MAST1: variants seen among roughly 807,000 people sequenced by gnomAD.
MAST1 encodes the protein microtubule associated serine/threonine kinase 1.
A neutral mutation model predicts 124.6 loss-of-function variants in MAST1; 40 were observed. The observed-to-expected ratio is 0.32, with a 90% CI of 0.25 to 0.42. The LOEUF (loss-of-function observed/expected upper bound fraction) is 0.42. Ranked by LOEUF, MAST1 falls within the 10% of genes least tolerant of loss-of-function variation. MAST1 has a pLI of 1.00. For synonymous variants in MAST1, 938 were observed against 939.4 expected (o/e 1.00, Z 0.03); for missense variants, 1,558 against 2,181.9 (o/e 0.71, Z 5.70).
chr19:12,865,345 C>T lies in MAST1; in HGVS notation c.1668C>T (p.Pro556=), dbSNP rs768196002. 5.0e-6 allele frequency: 8 copies of T among 1,605,044 alleles called. No homozygotes were observed. Among genetic ancestry groups the T allele is most frequent in the East Asian group, 2.2e-5 (1 of 44,882 alleles). ...QVCGTPEYIA[P]EVILRQGYGK... is the part of the protein sequence containing the mutation. ...GTGGGACCCCAGAGTACATCGCGCC[C>T]GAGGTCATCCTGCGTCAAGGCTACG... The change falls in exon 15 of 26, where the codon CCC becomes CCT. Residue 556 remains proline (P), a synonymous_variant. Coordinates refer to ENST00000251472, the MANE Select transcript of MAST1 (RefSeq NM_014975.3). The surrounding 1 kb of genome is among the most constrained non-coding windows in gnomAD (Gnocchi z 7.1).
intron 7 of MAST1, chr19:12,848,305 A>G (rs1018406185): frequency 2.0e-6 from 1 of 500,866 alleles, no homozygotes; most frequent in Admixed American, 3.7e-5. Flanking sequence ...GTGGCTTCTT[A>G]GGCGGTCCCC....
In MAST1 at chr19:12,852,267, G is replaced by A. The variant is rs769236755; in HGVS notation, c.1009+20G>A. ...TTCCAGGTGCCGGCTGGTGGGCGCA[G>A]GGGGACTGGGGGTGAGCAGGCCCAG... On this transcript the variant is annotated intron_variant, in intron 9 of 25. Transcript: ENST00000251472. 2.5e-6 allele frequency: 4 copies of A among 1,613,996 alleles called. No individual in the cohort carries two copies. The South Asian group carries it at 4.4e-5, about 18-fold the overall frequency.
At position 12,865,146 on chromosome 19, in the gene MAST1, G is replaced by A; in HGVS notation, c.1606G>A (p.Glu536Lys). The A allele has an allele frequency of 6.2e-7, 1 of 1,614,106 alleles. No individual in the cohort carries two copies. The highest frequency in any genetic ancestry group is 8.5e-7 in the Non-Finnish European group (1 of 1,180,018). The change falls in exon 14 of 26, where the codon GAG becomes AAG. Residue 536 changes from glutamate to lysine, a missense_variant. Physicochemically the swap from Glu to Lys is moderately conservative, Grantham distance 56. Transcript: ENST00000251472. This position sits in a 1 kb window ranked among gnomAD's most constrained non-coding sequence, Gnocchi z 7.1. ...CACCAACTTATATGAAGGCCACATCGAGAAGGACGCCCGAGAGTTCCTGGA... is the reference window on the plus strand; with the variant it reads ...CACCAACTTATATGAAGGCCACATCAAGAAGGACGCCCGAGAGTTCCTGGA... ...LTTNLYEGHI[E>K]KDAREFLDKQ... is the part of the protein sequence containing the mutation.
chr19:12,872,168 T>G (rs1442777176), intron 24 of MAST1, among the ~76,000 whole-genome samples: 1 of 152,156 alleles, frequency 6.6e-6, no homozygotes, highest in East Asian at 1.9e-4. Flanking sequence ...GGAATGAGCA[T>G]GCCAGGCAAG....
At chr19:12,854,892 A>G (rs1415008185) in intron 10 of MAST1, among the ~76,000 whole-genome samples, 4 of 152,092 alleles carry the variant, frequency 2.6e-5, no homozygotes, top group Admixed American at 2.6e-4. Flanking sequence ...GGAGAGTCCT[A>G]CCCCAATGGC....
chr19:12,849,535 G>A (rs542252188), intron 7 of MAST1, among the ~76,000 whole-genome samples: 4 of 151,804 alleles, frequency 2.6e-5, no homozygotes, highest in African/African-American at 9.7e-5. Context: ...TTGGTGGCAC[G>A]TGCCTGTAAT....
At chr19:12,870,004 A>AC (rs1291901456) in intron 22 of MAST1, among the ~76,000 whole-genome samples, 5 of 147,270 alleles carry the variant, frequency 3.4e-5, no homozygotes, top group Non-Finnish European at 7.5e-5. Context: ...ACATGGTGAA[A>AC]CCCCCTCTCT....
intron 12 of MAST1, among the ~76,000 whole-genome samples, chr19:12,863,504 G>A (rs1273625687): frequency 6.6e-6 from 1 of 152,210 alleles, no homozygotes; most frequent in Non-Finnish European, 1.5e-5. Flanking sequence ...ATGGCTGGAT[G>A]TAGGTGCTCA....
rs973269253 is a variant in MAST1, at chr19:12,843,151, G to T, written c.249-378G>T. 6.8e-4 allele frequency among the ~76,000 whole-genome samples: 104 copies of T among 152,058 alleles called. 1 individual carries two copies. Among genetic ancestry groups the T allele is most frequent in the African/African-American group, 2.4e-3 (101 of 41,460 alleles). ...CAGAACATGTTGGGGGGTGGGACGG[G>T]TCTTTTTTCTCTGAGAAGATCCAAG... is the stretch of plus-strand genomic sequence containing the variant. On this transcript the variant is annotated intron_variant, in intron 3 of 25. Transcript: ENST00000251472. This position sits in a 1 kb window ranked among gnomAD's most constrained non-coding sequence, Gnocchi z 4.9.
chr19:12,855,768 G>A (rs1225012461), intron 10 of MAST1, among the ~76,000 whole-genome samples: 1 of 152,054 alleles, frequency 6.6e-6, no homozygotes, highest in South Asian at 2.1e-4. Flanking sequence ...CTAAAAAAAG[G>A]TATTTATCTC....
In MAST1 at chr19:12,852,079, G is replaced by T. The variant is rs758873625; in HGVS notation, c.877-36G>T. ...GGTAGGGGTGGGTTGGTAGACCCTG[G>T]GAGCCTGTGGTGAGCCCACTCCTGC... is the stretch of plus-strand genomic sequence containing the variant. On this transcript the variant is annotated intron_variant, in intron 8 of 25. Coordinates refer to ENST00000251472, the MANE Select transcript of MAST1 (RefSeq NM_014975.3). 16 of 1,613,638 alleles carry T rather than the reference G, an allele frequency of 9.9e-6. No individual in the cohort carries two copies. In the South Asian group the frequency reaches 1.8e-4, roughly 18 times the overall value.
At position 12,866,339 on chromosome 19, in the gene MAST1, G is replaced by T. The variant is rs1005973658; in HGVS notation, c.2029+237G>T. Among the ~76,000 whole-genome samples the T allele has an allele frequency of 6.6e-6, 1 of 152,070 alleles. No individual in the cohort carries two copies. The highest frequency in any genetic ancestry group is 1.5e-5 in the Non-Finnish European group (1 of 67,980). On this transcript the variant is annotated intron_variant, in intron 17 of 25. Transcript: ENST00000251472. This position sits in a 1 kb window ranked among gnomAD's most constrained non-coding sequence, Gnocchi z 5.2. ...GGGCTAGGTGTGGGGCCTGGCCTGG[G>T]TGAGTTGTGAGTGTGGGCCTGGAAC... is the stretch of plus-strand genomic sequence containing the variant.
chr19:12,858,306 A>G, intron 10 of MAST1, 56 bp from the exon 11 acceptor site: 2 of 1,447,170 alleles, frequency 1.4e-6, no homozygotes, highest in Non-Finnish European at 1.9e-6. Flanking sequence ...ATGAAATTAA[A>G]AGCATCCTGC....
chr19:12,873,451 GGGCTGCCGGCGCGCTCGCCCACGCACA>G lies in MAST1; in HGVS notation c.3393_3419del (p.Leu1132_Ser1140del). 6.2e-7 allele frequency: 1 copy of G among 1,611,664 alleles called. No individual in the cohort carries two copies. Among genetic ancestry groups the G allele is most frequent in the East Asian group, 2.2e-5 (1 of 44,860 alleles). On this transcript the variant is annotated inframe_deletion, in exon 25 of 26. Coordinates refer to ENST00000251472, the MANE Select transcript of MAST1 (RefSeq NM_014975.3). ...TAGTCTCCCGGGCTCGCCTACGCAC[GGGCTGCCGGCGCGCTCGCCCACGCACA>G]GCTACCGCTCCACGCCTGACTCCGC...
At position 12,874,745 on chromosome 19, in the gene MAST1, G is replaced by T; in HGVS notation, c.4588G>T (p.Ala1530Ser). 2 of 1,602,000 alleles carry T rather than the reference G, an allele frequency of 1.2e-6. No homozygotes were observed. Among genetic ancestry groups the T allele is most frequent in the Non-Finnish European group, 1.7e-6 (2 of 1,171,114 alleles). Residue 1530 changes from alanine (A) to serine (S), a missense_variant, in exon 26 of 26, where the codon GCA becomes TCA. Transcript: ENST00000251472. This position sits in a 1 kb window ranked among gnomAD's most constrained non-coding sequence, Gnocchi z 6.6. ...CAGTGCAGTGACCCCAGTCCCACCCGCATCCCTCTTGGGCTCAGGCACCAA... is the reference window on the plus strand; with the variant it reads ...CAGTGCAGTGACCCCAGTCCCACCCTCATCCCTCTTGGGCTCAGGCACCAA... ...PSSAVTPVPP[A>S]SLLGSGTKPQ...
At chr19:12,860,042 A>C (rs1051993858) in intron 12 of MAST1, among the ~76,000 whole-genome samples, 2 of 150,168 alleles carry the variant, frequency 1.3e-5, no homozygotes, top group African/African-American at 4.9e-5. Context: ...TCCATCCCTC[A>C]CATCCCGCAA....
intron 10 of MAST1, among the ~76,000 whole-genome samples, chr19:12,856,662 A>C (rs1387150818): frequency 6.6e-6 from 1 of 152,126 alleles, no homozygotes; most frequent in Non-Finnish European, 1.5e-5. Context: ...GCATTTTTAC[A>C]CTTAATAAAA....
chr19:12,853,090 C>T (rs1454917358), intron 10 of MAST1, among the ~76,000 whole-genome samples: 1 of 150,564 alleles, frequency 6.6e-6, no homozygotes, highest in Non-Finnish European at 1.5e-5. Context: ...CCTGCCTCAG[C>T]CTCCCGAGTA....
chr19:12,874,308 G>A lies in MAST1; in HGVS notation c.4151G>A (p.Arg1384Gln). The part of the protein sequence containing the change: ...ATTPGGRTLE[R>Q]DVGCTRHQSV... Reference sequence around the variant, plus strand: ...ACCCCCGGTGGCCGGACCCTGGAGCGGGACGTCGGCTGCACGCGGCATCAG... The same window carrying A: ...ACCCCCGGTGGCCGGACCCTGGAGCAGGACGTCGGCTGCACGCGGCATCAG... Residue 1384 changes from arginine (R) to glutamine (Q), a missense_variant, in exon 26 of 26, where the codon CGG (arginine) becomes CAG (glutamine). Physicochemically the swap from Arg to Gln is conservative, Grantham distance 43 (BLOSUM62 1). Transcript: ENST00000251472. The surrounding 1 kb of genome is among the most constrained non-coding windows in gnomAD (Gnocchi z 6.6). 3.8e-6 allele frequency: 6 copies of A among 1,594,178 alleles called. No individual in the cohort carries two copies. The highest frequency in any genetic ancestry group is 1.3e-5 in the African/African-American group (1 of 74,804).
Sources: allele counts gnomAD v4.1 joint callset (sites outside exome capture counted in the v4.1 genomes callset), GRCh38; gene constraint gnomAD v4.1.1; non-coding constraint Gnocchi (gnomAD v3.1); transcripts MANE v1.5; gene names NCBI Gene and HGNC (gene_info 2026-07-23, HGNC 2026-07-21).